DLEU7: variants seen among roughly 807,000 people sequenced by gnomAD.
The protein encoded by DLEU7 is leukemia-associated protein 7.
DLEU7 carries 17 observed loss-of-function variants against 16.0 expected under a neutral mutation model. The observed-to-expected ratio is 1.06, with a 90% CI of 0.73 to 1.59. The LOEUF (loss-of-function observed/expected upper bound fraction) is 1.59. Among genes scored for constraint, DLEU7 ranks in the 40% most tolerant of loss-of-function variants. The pLI is 0.00. For synonymous variants in DLEU7, 113 were observed against 139.8 expected (o/e 0.81, Z 1.35); for missense variants, 308 against 314.9 (o/e 0.98, Z 0.17).
intron 1 of DLEU7, among the ~76,000 whole-genome samples, chr13:50,774,498 T>C (rs1221378858): frequency 6.6e-6 from 1 of 152,224 alleles, no homozygotes; most frequent in Non-Finnish European, 1.5e-5. Flanking sequence ...CACTTCTACA[T>C]AATATGTCTT....
At chr13:50,804,295 T>G (rs1364588443) in intron 1 of DLEU7, among the ~76,000 whole-genome samples, 1 of 152,126 alleles carries the variant, frequency 6.6e-6, no homozygotes, top group African/African-American at 2.4e-5. Context: ...TTATATTTTT[T>G]TAGAGAGAAT....
At chr13:50,838,105 T>C (rs777522865) in intron 1 of DLEU7, among the ~76,000 whole-genome samples, 6 of 152,204 alleles carry the variant, frequency 3.9e-5, no homozygotes, top group Non-Finnish European at 8.8e-5. Context: ...TCATCATCAA[T>C]GTCTTCCTCT....
At chr13:50,721,089 C>T (rs1010903597) in intron 1 of DLEU7, among the ~76,000 whole-genome samples, 27 of 152,268 alleles carry the variant, frequency 1.8e-4, no homozygotes, top group African/African-American at 5.5e-4. Context: ...GCTGCCAGTA[C>T]GGCCAGACTA....
At chr13:50,711,796 AT>A, downstream of DLEU7, 1 of 20,910 alleles carries the variant, frequency 4.8e-5, no homozygotes, top group South Asian at 2.6e-3. Flanking sequence ...ATTACTACCT[AT>A]ACCTACATGA....
At chr13:50,759,763 T>G (rs925240577) in intron 1 of DLEU7, among the ~76,000 whole-genome samples, 14 of 152,124 alleles carry the variant, frequency 9.2e-5, no homozygotes, top group African/African-American at 3.4e-4. Context: ...TATTTTAGAT[T>G]CTCAGTGTGC....
In DLEU7 at chr13:50,784,911, T is replaced by G. The variant is rs115109609; in HGVS notation, c.459+58277A>C. Among the ~76,000 whole-genome samples the G allele has an allele frequency of 5.9e-3, 899 of 152,286 alleles. 12 individuals carry two copies. The highest frequency in any genetic ancestry group is 0.021 in the African/African-American group (861 of 41,560). On this transcript the variant is annotated intron_variant, in intron 1 of 1. Transcript: ENST00000400393. ...AACTAGCTGTCTTCAGATGTGCAAATTAGTTTTTTCTTACTGAAGAGAGTC... is the reference window on the plus strand; with the variant it reads ...AACTAGCTGTCTTCAGATGTGCAAAGTAGTTTTTTCTTACTGAAGAGAGTC...
chr13:50,718,903 G>A (rs979342866), intron 1 of DLEU7, among the ~76,000 whole-genome samples: 22 of 152,102 alleles, frequency 1.4e-4, no homozygotes, highest in Non-Finnish European at 3.1e-4. Context: ...AAATTTCTTA[G>A]GACTAAGGTC....
rs1192044578 is a variant in DLEU7, at chr13:50,720,883, T to C, written c.460-7643A>G. ...AAAGGAAAAAAAATGTAGATTTGGC[T>C]ATATATGAATTTAGAATATTTATAT... is the stretch of plus-strand genomic sequence containing the variant. On this transcript the variant is annotated intron_variant, in intron 1 of 1. Coordinates refer to the DLEU7 transcript ENST00000400393. Among the ~76,000 whole-genome samples, 3 of 152,350 alleles carry C rather than the reference T, an allele frequency of 2.0e-5. No individual in the cohort carries two copies. In the East Asian group the frequency reaches 5.8e-4, roughly 29 times the overall value.
intron 1 of DLEU7, among the ~76,000 whole-genome samples, chr13:50,825,076 A>C (rs1877041840): frequency 6.6e-6 from 1 of 152,188 alleles, no homozygotes; most frequent in Admixed American, 6.5e-5. Flanking sequence ...ACCTCTGATC[A>C]TCAGGCATTA....
chr13:50,768,520 T>C (rs561463783), intron 1 of DLEU7, among the ~76,000 whole-genome samples: 31 of 147,994 alleles, frequency 2.1e-4, no homozygotes, highest in African/African-American at 7.2e-4. Flanking sequence ...CACCTATGAG[T>C]GAGAATATGC....
chr13:50,719,072 C>A (rs1382558569), intron 1 of DLEU7, among the ~76,000 whole-genome samples: 1 of 152,174 alleles, frequency 6.6e-6, no homozygotes, highest in East Asian at 1.9e-4. Context: ...CAGTAGACAT[C>A]AGCAATCAGC....
At chr13:50,787,307 C>T (rs1474302930) in intron 1 of DLEU7, among the ~76,000 whole-genome samples, 1 of 152,132 alleles carries the variant, frequency 6.6e-6, no homozygotes, top group Non-Finnish European at 1.5e-5. Flanking sequence ...ATTACTTCTC[C>T]AATCAACAGG....
chr13:50,748,165 T>C (rs1874455280), intron 1 of DLEU7, among the ~76,000 whole-genome samples: 1 of 151,950 alleles, frequency 6.6e-6, no homozygotes, highest in African/African-American at 2.4e-5. Flanking sequence ...AACGCTCATA[T>C]GAATAATGAT....
chr13:50,831,238 C>A (rs542484283), intron 1 of DLEU7, among the ~76,000 whole-genome samples: 3 of 152,126 alleles, frequency 2.0e-5, no homozygotes, highest in Admixed American at 1.3e-4. Flanking sequence ...AATCTATTTG[C>A]AATTGTTCAG....
At chr13:50,757,333 C>A (rs1384273539) in intron 1 of DLEU7, among the ~76,000 whole-genome samples, 2 of 152,154 alleles carry the variant, frequency 1.3e-5, no homozygotes, top group African/African-American at 2.4e-5. Flanking sequence ...TAACTCAGCA[C>A]CCAGATATAA....
downstream of DLEU7, among the ~76,000 whole-genome samples, chr13:50,818,303 G>C (rs1876794739): frequency 6.6e-6 from 1 of 152,124 alleles, no homozygotes; most frequent in Admixed American, 6.6e-5. Context: ...GGCTGGCCCA[G>C]TCATTGTTAG....
In DLEU7 at chr13:50,777,204, G is replaced by A. The variant is rs149536243; in HGVS notation, c.460-63964C>T. 1.4e-3 allele frequency among the ~76,000 whole-genome samples: 216 copies of A among 152,308 alleles called. 1 individual carries two copies. Among genetic ancestry groups the A allele is most frequent in the African/African-American group, 4.0e-3 (166 of 41,572 alleles). The stretch of plus-strand genomic sequence containing the variant: ...AGACTTGTCACAGTTAATACTGAGT[G>A]TCAACTTGATCGGATTGAAGGATGC... On this transcript the variant is annotated intron_variant, in intron 1 of 1. Coordinates refer to the DLEU7 transcript ENST00000400393.
At chr13:50,711,180 G>C (rs1873275230), downstream of DLEU7, 1 of 152,080 alleles carries the variant, frequency 6.6e-6, no homozygotes, top group African/African-American at 2.4e-5. Flanking sequence ...AAAATATTGA[G>C]TATATCAATA....
Position 50,843,648 on chromosome 13 carries a change from G to C in DLEU7, c.-2C>G. On this transcript the variant is annotated 5_prime_UTR_variant, in exon 1 of 2. Transcript: ENST00000504404. The surrounding 1 kb of genome is among the most constrained non-coding windows in gnomAD (Gnocchi z 5.7). ...CACTAAGGGCGCAGGGCTGGCCATC[G>C]CCTCCGCTGGCGGCCCGGCGCGCTC... The C allele has an allele frequency of 6.6e-7, 1 of 1,504,360 alleles. No homozygotes were observed. Among genetic ancestry groups the C allele is most frequent in the Non-Finnish European group, 8.8e-7 (1 of 1,133,432 alleles). The allele number at this position is 1,504,360 out of a possible 1,614,324, so 93.2% of individuals were successfully genotyped here.
Sources: allele counts gnomAD v4.1 joint callset (sites outside exome capture counted in the v4.1 genomes callset), GRCh38; gene constraint gnomAD v4.1.1; non-coding constraint Gnocchi (gnomAD v3.1); transcripts MANE v1.5; gene names NCBI Gene and HGNC (gene_info 2026-07-23, HGNC 2026-07-21).